STK17A: variants seen among roughly 807,000 people sequenced by gnomAD.
The protein encoded by STK17A is serine/threonine-protein kinase 17A.
A neutral mutation model predicts 43.7 loss-of-function variants in STK17A; 26 were observed. The ratio of observed to expected loss-of-function variants is 0.60; its 90% CI spans 0.44 to 0.83. The LOEUF (loss-of-function observed/expected upper bound fraction) is 0.83, where lower values mean the gene tolerates loss of function less well. Ranked by LOEUF, STK17A falls within the 40% of genes least tolerant of loss-of-function variation. The pLI is 0.00. For synonymous variants in STK17A, 191 were observed against 182.5 expected (o/e 1.05, Z -0.38); for missense variants, 476 against 511.6 (o/e 0.93, Z 0.67).
chr7:43,621,684 C>T (rs532693020), intron 4 of STK17A, among the ~76,000 whole-genome samples: 30 of 152,124 alleles, frequency 2.0e-4, no homozygotes, highest in African/African-American at 6.5e-4. Context: ...GTTGCCCAGG[C>T]TAGTGATTTG....
At chr7:43,621,637 TTTTG>T (rs1397516591) in intron 4 of STK17A, among the ~76,000 whole-genome samples, 3 of 152,068 alleles carry the variant, frequency 2.0e-5, no homozygotes, top group African/African-American at 4.8e-5. Flanking sequence ...CGGGCCAGTT[TTTTG>T]TTTGTTTTTT....
At chr7:43,612,084 T>C (rs937119379) in intron 3 of STK17A, among the ~76,000 whole-genome samples, 2 of 152,238 alleles carry the variant, frequency 1.3e-5, no homozygotes, top group Non-Finnish European at 2.9e-5. Flanking sequence ...TCATATTCCT[T>C]TCTCTCTAAT....
rs757073046 is a variant in STK17A, at chr7:43,623,598, A to G, written c.718A>G (p.Ile240Val). ...VAPEILSYDP[I>V]SMATDMWSIG... ...TCCTGAAATTCTTAGTTATGATCCT[A>G]TAAGCATGGCAACAGATATGTGGTA... The change falls in exon 5 of 7, where the codon ATA becomes GTA. Residue 240 changes from isoleucine (I) to valine (V), a missense_variant. Coordinates refer to ENST00000319357, the MANE Select transcript of STK17A (RefSeq NM_004760.3). The G allele has an allele frequency of 3.7e-6, 6 of 1,610,978 alleles. No individual in the cohort carries two copies. The East Asian group carries it at 8.9e-5, about 24-fold the overall frequency.
chr7:43,588,471 A>G (rs2082457577), intron 1 of STK17A, among the ~76,000 whole-genome samples: 1 of 151,420 alleles, frequency 6.6e-6, no homozygotes, highest in African/African-American at 2.4e-5. Context: ...GGACTCACTG[A>G]TTTTTACGCC....
At chr7:43,605,414 G>T (rs1208767862) in intron 2 of STK17A, among the ~76,000 whole-genome samples, 3 of 152,192 alleles carry the variant, frequency 2.0e-5, no homozygotes, top group Non-Finnish European at 4.4e-5. Flanking sequence ...TTGCCCCAGT[G>T]TTTAGAGTGG....
intron 3 of STK17A, among the ~76,000 whole-genome samples, chr7:43,614,244 C>T (rs1583638521): frequency 1.3e-5 from 2 of 152,208 alleles, no homozygotes; most frequent in South Asian, 2.1e-4. Flanking sequence ...TAAAAGACTT[C>T]CCTACAGCCA....
intron 1 of STK17A, among the ~76,000 whole-genome samples, chr7:43,587,832 TCAA>T (rs2082453859): frequency 6.6e-6 from 1 of 151,622 alleles, no homozygotes; most frequent in Non-Finnish European, 1.5e-5. Context: ...TATTTGTGGT[TCAA>T]CAATAAAGTT....
chr7:43,619,066 T>TA (rs2083608323), intron 3 of STK17A, among the ~76,000 whole-genome samples: 1 of 152,150 alleles, frequency 6.6e-6, no homozygotes, highest in African/African-American at 2.4e-5. Context: ...ATTTCAACAA[T>TA]ACAAGGATGC....
At chr7:43,621,768 A>G (rs1172915674) in intron 4 of STK17A, among the ~76,000 whole-genome samples, 1 of 152,208 alleles carries the variant, frequency 6.6e-6, no homozygotes, top group Non-Finnish European at 1.5e-5. Flanking sequence ...AAACATTATA[A>G]TGGAAGTACA....
chr7:43,599,484 T>C (rs1583552476), intron 2 of STK17A, among the ~76,000 whole-genome samples: 2 of 152,228 alleles, frequency 1.3e-5, no homozygotes, highest in South Asian at 2.1e-4. Flanking sequence ...TTTAAACCAT[T>C]AGGTAGCCTT....
intron 2 of STK17A, among the ~76,000 whole-genome samples, chr7:43,598,869 TCTC>T (rs111333830): frequency 0.088 from 13,443 of 151,992 alleles, 682 homozygotes; most frequent in Admixed American, 0.17. Flanking sequence ...TTCAAGCAAT[TCTC>T]CTGTGTCAGC....
At chr7:43,609,904 A>C (rs2082698933) in intron 3 of STK17A, among the ~76,000 whole-genome samples, 1 of 152,226 alleles carries the variant, frequency 6.6e-6, no homozygotes, top group Non-Finnish European at 1.5e-5. Context: ...GTAGATGCTT[A>C]ATGGCAGTGT....
At chr7:43,600,667 C>T (rs887747688) in intron 2 of STK17A, among the ~76,000 whole-genome samples, 32 of 152,098 alleles carry the variant, frequency 2.1e-4, no homozygotes, top group African/African-American at 7.7e-4. Context: ...TTTAGTATAA[C>T]TTTTCTGGAG....
At chr7:43,600,986 AAAT>A (rs1182177400) in intron 2 of STK17A, among the ~76,000 whole-genome samples, 15 of 152,226 alleles carry the variant, frequency 9.9e-5, no homozygotes, top group African/African-American at 3.4e-4. Context: ...AAAAAGGTAG[AAAT>A]AATCTAAATG....
In STK17A at chr7:43,608,407, T is replaced by C; in HGVS notation, c.564+7T>C. The stretch of plus-strand genomic sequence containing the variant: ...AGTTCATCTTGATTTGAAGGTAAGA[T>C]TCAAATTACAATTTTGAGATTGCTA... On this transcript the variant is annotated splice_region_variant and intron_variant, in intron 3 of 6. Coordinates refer to ENST00000319357, the MANE Select transcript of STK17A (RefSeq NM_004760.3). 1.9e-6 allele frequency: 3 copies of C among 1,594,410 alleles called. No homozygotes were observed. The highest frequency in any genetic ancestry group is 2.6e-6 in the Non-Finnish European group (3 of 1,172,876).
chr7:43,605,955 A>C (rs1213196192), intron 2 of STK17A, among the ~76,000 whole-genome samples: 1 of 151,356 alleles, frequency 6.6e-6, no homozygotes, highest in Non-Finnish European at 1.5e-5. Context: ...TGCTGTTACC[A>C]TTTCATCTAG....
chr7:43,585,857 A>G (rs2082435270), intron 1 of STK17A, among the ~76,000 whole-genome samples: 1 of 151,662 alleles, frequency 6.6e-6, no homozygotes, highest in African/African-American at 2.4e-5. Context: ...AATGTAACCC[A>G]AAAAGAAAAC....
At chr7:43,604,778 C>T (rs756313583) in intron 2 of STK17A, among the ~76,000 whole-genome samples, 3 of 152,104 alleles carry the variant, frequency 2.0e-5, no homozygotes, top group African/African-American at 7.2e-5. Context: ...TTTCCTACCC[C>T]TACCTCTCTT....
At chr7:43,584,006 G>A (rs2082422030) in intron 1 of STK17A, among the ~76,000 whole-genome samples, 1 of 152,070 alleles carries the variant, frequency 6.6e-6, no homozygotes, top group South Asian at 2.1e-4. Context: ...AAAGCATTTA[G>A]GTCCCTTTGC....
Sources: gnomAD v4.1 joint callset for allele counts (sites outside exome capture counted in the v4.1 genomes callset) on GRCh38, gnomAD v4.1.1 for gene constraint, MANE v1.5 for transcripts, NCBI Gene and HGNC (gene_info 2026-07-23, HGNC 2026-07-21) for gene names.